Variants in MSX1 observed in about 807,000 individuals in gnomAD.
MSX1 encodes msh homeobox 1, also known as homeobox protein MSX-1.
MSX1 carries 11 observed loss-of-function variants against 17.0 expected under a neutral mutation model. The observed-to-expected ratio is 0.65, with a 90% CI of 0.41 to 1.07. The LOEUF (loss-of-function observed/expected upper bound fraction) is 1.07. Ranked by LOEUF, MSX1 falls within the 50% of genes least tolerant of loss-of-function variation. MSX1 has a pLI of 0.00. For missense variants in MSX1, 477 were observed against 440.1 expected (o/e 1.08, Z -0.75); for synonymous variants, 253 against 211.8 (o/e 1.19, Z -1.69).
In MSX1 at chr4:4,860,196, G is replaced by C. The variant is rs757688467; in HGVS notation, c.297G>C (p.Pro99=). 1.3e-4 allele frequency: 192 copies of C among 1,522,580 alleles called. 1 individual carries two copies. The African/African-American group carries it at 2.5e-3, about 20-fold the overall frequency. The allele number at this position is 1,522,580 out of a possible 1,614,324, so 94.3% of individuals were successfully genotyped here. A position where few individuals can be genotyped will look rare whatever the true frequency, so the allele number is the denominator to read the frequency against. The stretch of plus-strand genomic sequence containing the variant: ...GCTCGGCGCAGCCACTGGGCGTCCC[G>C]CCGGGGTCGCTGGGAGCCCCGGACG... The part of the protein sequence containing the change: ...AGGSAQPLGV[P]PGSLGAPDAP... The change falls in exon 1 of 2, where the codon CCG becomes CCC. Residue 99 remains proline (P), a synonymous_variant. Transcript: ENST00000382723.
At chr4:4,861,684 G>C (rs758353292) in intron 1 of MSX1, among the ~76,000 whole-genome samples, 2 of 152,200 alleles carry the variant, frequency 1.3e-5, no homozygotes, top group Non-Finnish European at 2.9e-5. Context: ...GGCTGTGTTG[G>C]GATAATTTGT....
rs1189551407 is a variant in MSX1 at position 4,860,172 on chromosome 4, C to T, written c.273C>T (p.Gly91=). 1.3e-6 allele frequency: 2 copies of T among 1,506,656 alleles called. No homozygotes were observed. The highest frequency in any genetic ancestry group is 1.4e-5 in the African/African-American group (1 of 69,346). The allele number at this position is 1,506,656 out of a possible 1,614,324, so 93.3% of individuals were successfully genotyped here. A position where few individuals can be genotyped will look rare whatever the true frequency, so the allele number is the denominator to read the frequency against. ...APSEGVQAAG[G]SAQPLGVPPG... ...CCGAGGGCGTGCAGGCGGCGGGTGG[C>T]TCGGCGCAGCCACTGGGCGTCCCGC... The change falls in exon 1 of 2, where the codon GGC becomes GGT. Residue 91 remains glycine (G), a synonymous_variant. Coordinates refer to ENST00000382723, the MANE Select transcript of MSX1 (RefSeq NM_002448.3).
chr4:4,861,896 AACAC>A (rs3836612), intron 1 of MSX1, among the ~76,000 whole-genome samples: 9,546 of 150,808 alleles, frequency 0.063, 320 homozygotes, highest in Admixed American at 0.092. Flanking sequence ...CAACAACATC[AACAC>A]ACACACACAC....
In MSX1 at chr4:4,863,584, A is replaced by AAAAAAAAAAAAAG. The variant is rs1737980219; in HGVS notation, c.*445_*446insAAAAAAAAGAAAA. ...AAAAAAAAAAAAAAAAAAAAAAAAA[A>AAAAAAAAAAAAAG]AAAAGAAAAGAGAAAAAAAAGACTA... On this transcript the variant is annotated 3_prime_UTR_variant, in exon 2 of 2. Coordinates refer to ENST00000382723, the MANE Select transcript of MSX1 (RefSeq NM_002448.3). The AAAAAAAAAAAAAG allele has an allele frequency of 7.7e-6, 1 of 130,478 alleles. No homozygotes were observed. Among genetic ancestry groups the AAAAAAAAAAAAAG allele is most frequent in the Admixed American group, 8.4e-5 (1 of 11,960 alleles). The allele number at this position is 130,478 out of a possible 1,614,324, so 8.1% of individuals were successfully genotyped here.
In MSX1 at chr4:4,863,150, C is replaced by G. The variant is rs1254662844; in HGVS notation, c.*7C>G. The G allele has an allele frequency of 6.3e-7, 1 of 1,589,176 alleles. No individual in the cohort carries two copies. The highest frequency in any genetic ancestry group is 8.5e-7 in the Non-Finnish European group (1 of 1,174,318). ...CATGTACCACCTGACATAGAGGGTCCCAGGTCGCCCACCTGTGGGCCAGCC... is the reference window on the plus strand; with the variant it reads ...CATGTACCACCTGACATAGAGGGTCGCAGGTCGCCCACCTGTGGGCCAGCC... On this transcript the variant is annotated 3_prime_UTR_variant, in exon 2 of 2. Coordinates refer to ENST00000382723, the MANE Select transcript of MSX1 (RefSeq NM_002448.3).
At position 4,859,882 on chromosome 4, in the gene MSX1, G is replaced by C. The variant is rs186861426; in HGVS notation, c.-18G>C. On this transcript the variant is annotated 5_prime_UTR_variant, in exon 1 of 2. Coordinates refer to ENST00000382723, the MANE Select transcript of MSX1 (RefSeq NM_002448.3). ...GCGGCTGGCCAGTGCTGCGGCAGAA[G>C]GGGGGGCCCGGCTCTGCATGGCCCC... 2.0e-6 allele frequency: 3 copies of C among 1,468,962 alleles called. No homozygotes were observed. The highest frequency in any genetic ancestry group is 4.9e-5 in the Admixed American group (2 of 40,812). The allele number at this position is 1,468,962 out of a possible 1,614,324, so 91.0% of individuals were successfully genotyped here. A position where few individuals can be genotyped will look rare whatever the true frequency, so the allele number is the denominator to read the frequency against.
intron 1 of MSX1, among the ~76,000 whole-genome samples, chr4:4,861,754 G>A (rs549577347): frequency 6.6e-6 from 1 of 152,204 alleles, no homozygotes; most frequent in Non-Finnish European, 1.5e-5. Flanking sequence ...CACTAGTCCT[G>A]CGCTCTGATG....
chr4:4,863,033 G>A lies in MSX1; in HGVS notation c.802G>A (p.Gly268Ser), dbSNP rs1737958857. Residue 268 changes from glycine to serine, a missense_variant, in exon 2 of 2, where the codon GGT becomes AGT. Physicochemically the swap from Gly to Ser is moderately conservative, Grantham distance 56. Around this residue, in one of 3 missense-constraint regions of MSX1, gnomAD observed 114 missense variants for 106.3 expected, o/e 1.07. Transcript: ENST00000382723. ...GGPAAVAAAA[G>S]ASLYGASGPF... ...CCCCGCAGCTGTAGCGGCCGCGGCG[G>A]GTGCCTCGCTCTACGGTGCCTCTGG... 1 of 1,610,164 alleles carries A rather than the reference G, an allele frequency of 6.2e-7. No homozygotes were observed. Among genetic ancestry groups the A allele is most frequent in the Non-Finnish European group, 8.5e-7 (1 of 1,178,840 alleles).
chr4:4,859,820 C>A lies in MSX1; in HGVS notation c.-80C>A. ...CCAGGGCCCCGGGCGCTCGCAGAGGCCGGCCGCGCTCCCAGCCCGCCCGGA... is the reference window on the plus strand; with the variant it reads ...CCAGGGCCCCGGGCGCTCGCAGAGGACGGCCGCGCTCCCAGCCCGCCCGGA... On this transcript the variant is annotated 5_prime_UTR_variant, in exon 1 of 2. Transcript: ENST00000382723. 1 of 1,272,002 alleles carries A rather than the reference C, an allele frequency of 7.9e-7. No homozygotes were observed. The highest frequency in any genetic ancestry group is 2.4e-5 in the South Asian group (1 of 42,202). The allele number at this position is 1,272,002 out of a possible 1,614,324, so 78.8% of individuals were successfully genotyped here.
rs549162057 is a variant in MSX1, at chr4:4,862,775, G to T, written c.544G>T (p.Ala182Ser). The change falls in exon 2 of 2, where the codon GCG (alanine) becomes TCG (serine). Residue 182 changes from alanine (A) to serine (S), a missense_variant. Physicochemically the swap from Ala to Ser is moderately conservative, Grantham distance 99. Coordinates refer to ENST00000382723, the MANE Select transcript of MSX1 (RefSeq NM_002448.3). ...TAAGCCGCGGACGCCCTTCACCACC[G>T]CGCAGCTGCTGGCGCTGGAGCGCAA... is the stretch of plus-strand genomic sequence containing the variant. ...NRKPRTPFTT[A>S]QLLALERKFR... is the part of the protein sequence containing the mutation. 5.6e-6 allele frequency: 9 copies of T among 1,613,454 alleles called. No homozygotes were observed. The South Asian group carries it at 9.9e-5, about 18-fold the overall frequency.
rs1308418809 is a variant in MSX1 at position 4,860,214 on chromosome 4, C to T, written c.315C>T (p.Ala105=). 38 of 1,552,024 alleles carry T rather than the reference C, an allele frequency of 2.4e-5. No homozygotes were observed. The highest frequency in any genetic ancestry group is 3.3e-5 in the Non-Finnish European group (38 of 1,157,006). Residue 105 remains alanine, a synonymous_variant, in exon 1 of 2, where the codon GCC becomes GCT. Transcript: ENST00000382723. ...PLGVPPGSLG[A]PDAPSSPRPL... ...GCGTCCCGCCGGGGTCGCTGGGAGC[C>T]CCGGACGCGCCCTCTTCGCCGCGGC...
Position 4,860,015 on chromosome 4 carries a change from C to G in MSX1, c.116C>G (p.Thr39Arg). The G allele has an allele frequency of 6.7e-7, 1 of 1,501,210 alleles. No individual in the cohort carries two copies. Among genetic ancestry groups the G allele is most frequent in the Non-Finnish European group, 8.9e-7 (1 of 1,126,230 alleles). The allele number at this position is 1,501,210 out of a possible 1,614,324, so 93.0% of individuals were successfully genotyped here. The change falls in exon 1 of 2, where the codon ACG (threonine) becomes AGG (arginine). Residue 39 changes from threonine (T) to arginine (R), a missense_variant. Physicochemically the swap from Thr to Arg is moderately conservative, Grantham distance 71. Around this residue, in one of 3 missense-constraint regions of MSX1, gnomAD observed 355 missense variants for 306.1 expected, o/e 1.16. Transcript: ENST00000382723. ...CAGGCCCCCAGCGCCGCCGCGGCCA[C>G]GGCAGCCGCCATGGGCGCGGACGAG... is the stretch of plus-strand genomic sequence containing the variant. Reference protein sequence around the residue: ...AGQAPSAAAATAAAMGADEEG... With the variant: ...AGQAPSAAAARAAAMGADEEG...
rs766251853 is a variant in MSX1, at chr4:4,863,039, T to A, written c.808T>A (p.Ser270Thr). 2.6e-5 allele frequency: 42 copies of A among 1,609,480 alleles called. No individual in the cohort carries two copies. The highest frequency in any genetic ancestry group is 3.6e-5 in the Non-Finnish European group (42 of 1,178,648). The change falls in exon 2 of 2, where the codon TCG (serine) becomes ACG (threonine). Residue 270 changes from serine to threonine, a missense_variant. This residue lies in a region of MSX1 where 114 missense variants were observed against 106.3 expected (regional missense o/e 1.07). Coordinates refer to ENST00000382723, the MANE Select transcript of MSX1 (RefSeq NM_002448.3). Reference sequence around the variant, plus strand: ...AGCTGTAGCGGCCGCGGCGGGTGCCTCGCTCTACGGTGCCTCTGGCCCCTT... The same window carrying A: ...AGCTGTAGCGGCCGCGGCGGGTGCCACGCTCTACGGTGCCTCTGGCCCCTT... Reference protein sequence around the residue: ...PAAVAAAAGASLYGASGPFQR... With the variant: ...PAAVAAAAGATLYGASGPFQR...
Position 4,863,622 on chromosome 4 carries a change from G to A in MSX1, c.*479G>A, listed in dbSNP as rs1172729636. The A allele has an allele frequency of 1.7e-5, 2 of 116,664 alleles. No homozygotes were observed. Among genetic ancestry groups the A allele is most frequent in the Admixed American group, 9.5e-5 (1 of 10,560 alleles). 7.2% of individuals were successfully genotyped at this position (116,664 alleles called of 1,614,324 possible). On this transcript the variant is annotated 3_prime_UTR_variant, in exon 2 of 2. Transcript: ENST00000382723. The stretch of plus-strand genomic sequence containing the variant: ...AAAAAAAAGACTAGCCAGCCAGGAA[G>A]ATGAATCCTAGCTTCTTCCATTGGA...
At position 4,863,169 on chromosome 4, in the gene MSX1, G is replaced by T; in HGVS notation, c.*26G>T. On this transcript the variant is annotated 3_prime_UTR_variant, in exon 2 of 2. Coordinates refer to ENST00000382723, the MANE Select transcript of MSX1 (RefSeq NM_002448.3). ...AGGGTCCCAGGTCGCCCACCTGTGG[G>T]CCAGCCGATTCCTCCAGCCCTGGTG... 6.4e-7 allele frequency: 1 copy of T among 1,569,622 alleles called. No individual in the cohort carries two copies. Among genetic ancestry groups the T allele is most frequent in the Admixed American group, 1.8e-5 (1 of 55,060 alleles).
At chr4:4,860,415 CCGG>C (rs768609199) in intron 1 of MSX1, 47 bp downstream of exon 1, 1 of 720,718 alleles carries the variant, frequency 1.4e-6, no homozygotes, top group Non-Finnish European at 1.8e-6. Context: ...CGGGTGGGGG[CCGG>C]GTGGGGTGTG....
chr4:4,863,754 A>G lies in MSX1; in HGVS notation c.*611A>G, dbSNP rs1299818399. 7.7e-6 allele frequency: 1 copy of G among 130,446 alleles called. No homozygotes were observed. Among genetic ancestry groups the G allele is most frequent in the African/African-American group, 3.1e-5 (1 of 32,586 alleles). 8.1% of individuals were successfully genotyped at this position (130,446 alleles called of 1,614,324 possible). A position where few individuals can be genotyped will look rare whatever the true frequency, so the allele number is the denominator to read the frequency against. On this transcript the variant is annotated 3_prime_UTR_variant, in exon 2 of 2. Transcript: ENST00000382723. ...GGACCTCTCTCTTACCAGTACCAGA[A>G]ACACAATTGTAAAATTAAAAAAAAA...
intron 1 of MSX1, among the ~76,000 whole-genome samples, chr4:4,861,290 G>T (rs988101350): frequency 1.3e-5 from 2 of 152,364 alleles, no homozygotes; most frequent in East Asian, 1.9e-4. Flanking sequence ...GGTTGTCGCC[G>T]CTGAAGGGAG....
At chr4:4,861,556 G>A (rs563022016) in intron 1 of MSX1, among the ~76,000 whole-genome samples, 2 of 152,272 alleles carry the variant, frequency 1.3e-5, no homozygotes, top group Non-Finnish European at 1.5e-5. Context: ...CAAAACCCGC[G>A]TGGTGAAACA....
Sources: allele counts gnomAD v4.1 joint callset (sites outside exome capture counted in the v4.1 genomes callset), GRCh38; gene constraint gnomAD v4.1.1; regional missense constraint gnomAD v4.1.1; transcripts MANE v1.5; gene names NCBI Gene and HGNC (gene_info 2026-07-23, HGNC 2026-07-21).